Variants in DIS3L2 observed in about 807,000 individuals in gnomAD.
The protein encoded by DIS3L2 is DIS3-like exonuclease 2.
In DIS3L2, 34 loss-of-function variants were observed where a neutral mutation model predicts 97.5. The observed-to-expected ratio is 0.35, with a 90% confidence interval of 0.27 to 0.46. The LOEUF (loss-of-function observed/expected upper bound fraction) is 0.46. Ranked by LOEUF, DIS3L2 falls within the 20% of genes least tolerant of loss-of-function variation. The pLI, the probability that DIS3L2 is intolerant of heterozygous loss-of-function variation, is 1.00. For synonymous variants in DIS3L2, 435 were observed against 445.2 expected (o/e 0.98, Z 0.29); for missense variants, 1,038 against 1,146.0 (o/e 0.91, Z 1.36).
chr2:232,231,356 G>A (rs1464773816), intron 10 of DIS3L2, among the ~76,000 whole-genome samples: 1 of 152,144 alleles, frequency 6.6e-6, no homozygotes, highest in Admixed American at 6.5e-5. Context: ...AGTCCCAGGG[G>A]CCATATGCTG....
At chr2:232,266,522 G>A (rs1333490546) in intron 13 of DIS3L2, among the ~76,000 whole-genome samples, 3 of 152,210 alleles carry the variant, frequency 2.0e-5, no homozygotes, top group Non-Finnish European at 4.4e-5. Flanking sequence ...CACCCTTGGA[G>A]TTGATTCCTT....
At position 232,335,723 on chromosome 2, in the gene DIS3L2, A is replaced by G. The variant is rs929081241; in HGVS notation, c.2395-50A>G. 8 of 1,538,784 alleles carry G rather than the reference A, an allele frequency of 5.2e-6. No homozygotes were observed. In the Admixed American group the frequency reaches 5.9e-5, roughly 11 times the overall value. On this transcript the variant is annotated intron_variant, in intron 19 of 20. Transcript: ENST00000325385. Reference sequence around the variant, plus strand: ...TTGAAGCCCTCCAGGGTGGAAGGGCAGGCAGCAGCATCCAGAGCTGAGGCC... The same window carrying G: ...TTGAAGCCCTCCAGGGTGGAAGGGCGGGCAGCAGCATCCAGAGCTGAGGCC...
At chr2:232,226,830 A>T (rs916862530) in intron 10 of DIS3L2, among the ~76,000 whole-genome samples, 5 of 152,140 alleles carry the variant, frequency 3.3e-5, no homozygotes, top group Non-Finnish European at 4.4e-5. Context: ...TTAGCTGAGC[A>T]TGATGGTGCT....
At chr2:232,103,340 C>T (rs1697259269) in intron 6 of DIS3L2, among the ~76,000 whole-genome samples, 1 of 152,064 alleles carries the variant, frequency 6.6e-6, no homozygotes, top group South Asian at 2.1e-4. Flanking sequence ...AATATTAAAC[C>T]CTCAAGCACA....
intron 10 of DIS3L2, among the ~76,000 whole-genome samples, chr2:232,224,127 A>G (rs188137237): frequency 2.0e-4 from 31 of 152,354 alleles, no homozygotes; most frequent in Middle Eastern, 6.8e-3. Context: ...ATGCTGAAAT[A>G]ATAAATGTTC....
chr2:232,121,319 C>T (rs1021742015), intron 6 of DIS3L2, among the ~76,000 whole-genome samples: 2 of 152,208 alleles, frequency 1.3e-5, no homozygotes, highest in Non-Finnish European at 1.5e-5. Context: ...TCTGACCACA[C>T]CTCAGTTTCC....
intron 5 of DIS3L2, among the ~76,000 whole-genome samples, chr2:232,035,010 C>T (rs1277728383): frequency 6.6e-6 from 1 of 152,044 alleles, no homozygotes; most frequent in African/African-American, 2.4e-5. Flanking sequence ...GAGTTCAAGT[C>T]CTGAATATCC....
At chr2:232,025,494 G>A (rs1694631933) in intron 4 of DIS3L2, among the ~76,000 whole-genome samples, 1 of 152,090 alleles carries the variant, frequency 6.6e-6, no homozygotes, top group Non-Finnish European at 1.5e-5. Context: ...CTTACCCATT[G>A]AATTAGATAA....
intron 13 of DIS3L2, among the ~76,000 whole-genome samples, chr2:232,266,461 C>T (rs760327402): frequency 7.9e-5 from 12 of 152,148 alleles, no homozygotes; most frequent in Non-Finnish European, 1.6e-4. Context: ...GAAAACCCTC[C>T]GAAGTCCTAA....
chr2:231,991,006 A>G (rs901492154), intron 1 of DIS3L2, among the ~76,000 whole-genome samples: 4 of 152,094 alleles, frequency 2.6e-5, no homozygotes, highest in Non-Finnish European at 4.4e-5. Context: ...CCCGGGCTCA[A>G]GTGATCCTCC....
intron 8 of DIS3L2, among the ~76,000 whole-genome samples, chr2:232,138,731 T>C (rs1698427734): frequency 6.6e-6 from 1 of 152,208 alleles, no homozygotes; most frequent in Admixed American, 6.5e-5. Context: ...TAATACCTGC[T>C]GTGGGTGCGA....
At chr2:232,015,740 C>G (rs771637049) in intron 3 of DIS3L2, 69 bp downstream of exon 3, 2 of 1,562,534 alleles carry the variant, frequency 1.3e-6, no homozygotes, top group African/African-American at 2.7e-5. Flanking sequence ...TAAACTGTTT[C>G]CTGTTCTGTG....
chr2:232,266,020 A>G (rs907272891), intron 13 of DIS3L2, among the ~76,000 whole-genome samples: 1 of 152,228 alleles, frequency 6.6e-6, no homozygotes, highest in African/African-American at 2.4e-5. Context: ...CTTCTAGAAT[A>G]ACCAACCAAT....
At chr2:232,133,158 A>G (rs1182165493) in intron 7 of DIS3L2, among the ~76,000 whole-genome samples, 1 of 152,180 alleles carries the variant, frequency 6.6e-6, no homozygotes, top group African/African-American at 2.4e-5. Context: ...CTGCCACAAC[A>G]AGAAACCCAA....
At chr2:232,089,228 T>C (rs964767297) in intron 6 of DIS3L2, among the ~76,000 whole-genome samples, 2 of 152,196 alleles carry the variant, frequency 1.3e-5, no homozygotes, top group African/African-American at 4.8e-5. Flanking sequence ...TTTCCAACTT[T>C]GAAATTCTTC....
At chr2:232,329,422 G>A (rs563574148) in intron 14 of DIS3L2, 6 of 184,384 alleles carry the variant, frequency 3.3e-5, no homozygotes, top group Non-Finnish European at 6.7e-5. Context: ...TGGGCTGCCC[G>A]AGTGTTCCAG....
chr2:232,328,704 C>G (rs977962506), intron 14 of DIS3L2: 3 of 152,328 alleles, frequency 2.0e-5, no homozygotes, highest in Non-Finnish European at 4.4e-5. Flanking sequence ...AAGGCAGAGT[C>G]CCCCCAGGCT....
chr2:232,072,506 A>G (rs952477797), intron 5 of DIS3L2, among the ~76,000 whole-genome samples: 2 of 152,156 alleles, frequency 1.3e-5, no homozygotes, highest in African/African-American at 4.8e-5. Flanking sequence ...GTGGGGGTGC[A>G]GTCAGGTAGA....
At chr2:232,319,202 C>T (rs147207069) in intron 14 of DIS3L2, among the ~76,000 whole-genome samples, 2 of 152,298 alleles carry the variant, frequency 1.3e-5, no homozygotes, top group Non-Finnish European at 2.9e-5. Flanking sequence ...GCACCCAGCA[C>T]CCTACCACAC....
Sources: gnomAD v4.1 joint callset for allele counts (sites outside exome capture counted in the v4.1 genomes callset) on GRCh38, gnomAD v4.1.1 for gene constraint, MANE v1.5 for transcripts, NCBI Gene and HGNC (gene_info 2026-07-23, HGNC 2026-07-21) for gene names.